NPAS3: variants seen among roughly 807,000 people sequenced by gnomAD.
NPAS3 encodes neuronal PAS domain-containing protein 3.
Under a neutral mutation model 73.1 loss-of-function variants are expected in NPAS3, and 14 were observed. That is an observed-to-expected ratio of 0.19 (90% CI 0.13 to 0.30). The LOEUF (loss-of-function observed/expected upper bound fraction) is 0.30. Ranked by LOEUF, NPAS3 falls within the 10% of genes least tolerant of loss-of-function variation. The pLI, the probability that NPAS3 is intolerant of heterozygous loss-of-function variation, is 1.00. For synonymous variants in NPAS3, 620 were observed against 541.5 expected, an observed-to-expected ratio of 1.14 and a Z score of -2.01; for missense variants, 1,096 against 1,250.0, an observed-to-expected ratio of 0.88 and a Z score of 1.86.
chr14:33,002,817 C>G (rs2038855891), intron 1 of NPAS3, among the ~76,000 whole-genome samples: 1 of 152,150 alleles, frequency 6.6e-6, no homozygotes, highest in Non-Finnish European at 1.5e-5. Context: ...AGATGTACTA[C>G]AGACATTGGG....
At chr14:33,016,600 G>C (rs2039402727) in intron 1 of NPAS3, among the ~76,000 whole-genome samples, 1 of 114,338 alleles carries the variant, frequency 8.7e-6, no homozygotes. Flanking sequence ...GTTGTGTATG[G>C]AAACAGAAAA....
At chr14:33,259,353 T>C (rs2048890887) in intron 3 of NPAS3, among the ~76,000 whole-genome samples, 1 of 152,202 alleles carries the variant, frequency 6.6e-6, no homozygotes, top group Admixed American at 6.5e-5. Flanking sequence ...TTTCTAATTT[T>C]CCAGCTTATT....
intron 5 of NPAS3, among the ~76,000 whole-genome samples, chr14:33,565,096 T>C (rs12100877): frequency 0.033 from 5,079 of 152,260 alleles, 271 homozygotes; most frequent in African/African-American, 0.11. Context: ...GGCAGCTTGC[T>C]GAAAAGGGCA....
At chr14:33,137,786 G>A (rs2043892209) in intron 2 of NPAS3, among the ~76,000 whole-genome samples, 1 of 152,114 alleles carries the variant, frequency 6.6e-6, no homozygotes, top group African/African-American at 2.4e-5. Context: ...AAATATATGT[G>A]TTTCTAGAGC....
chr14:33,615,913 G>A (rs556765719), intron 5 of NPAS3, among the ~76,000 whole-genome samples: 3 of 152,138 alleles, frequency 2.0e-5, no homozygotes, highest in Non-Finnish European at 4.4e-5. Context: ...ATGGCAGTAC[G>A]TTCTTTGGCT....
At chr14:33,090,544 TA>T (rs1342602224) in intron 2 of NPAS3, among the ~76,000 whole-genome samples, 1 of 152,072 alleles carries the variant, frequency 6.6e-6, no homozygotes, top group East Asian at 1.9e-4. Flanking sequence ...CACACAATAA[TA>T]ATGGGAGACT....
chr14:33,073,274 G>A (rs2041547140), intron 2 of NPAS3, among the ~76,000 whole-genome samples: 1 of 152,138 alleles, frequency 6.6e-6, no homozygotes, highest in South Asian at 2.1e-4. Flanking sequence ...GGGCAATGAG[G>A]CATATAATTT....
intron 3 of NPAS3, among the ~76,000 whole-genome samples, chr14:33,225,160 A>G (rs1005957241): frequency 6.6e-6 from 1 of 152,230 alleles, no homozygotes; most frequent in Non-Finnish European, 1.5e-5. Flanking sequence ...CAGTTACAAT[A>G]TCAATCAATG....
intron 5 of NPAS3, among the ~76,000 whole-genome samples, chr14:33,595,266 T>C (rs545242382): frequency 1.3e-5 from 2 of 152,302 alleles, no homozygotes; most frequent in Admixed American, 6.5e-5. Flanking sequence ...ATTGTGGTAC[T>C]TAATTAATGA....
At chr14:33,292,963 T>C (rs2042159765) in intron 3 of NPAS3, among the ~76,000 whole-genome samples, 2 of 152,196 alleles carry the variant, frequency 1.3e-5, no homozygotes, top group South Asian at 4.1e-4. Flanking sequence ...TGCACAGGTA[T>C]ATGAGGAAGA....
chr14:33,416,376 C>T (rs2048149019), intron 4 of NPAS3, among the ~76,000 whole-genome samples: 1 of 152,002 alleles, frequency 6.6e-6, no homozygotes, highest in Non-Finnish European at 1.5e-5. Context: ...CTGGCTCTAG[C>T]ATTTTATTAA....
At chr14:33,403,664 CTTTA>C (rs1387383647) in intron 4 of NPAS3, among the ~76,000 whole-genome samples, 1 of 151,948 alleles carries the variant, frequency 6.6e-6, no homozygotes, top group Admixed American at 6.6e-5. Flanking sequence ...TCATTTTAAT[CTTTA>C]TTCATTTTAT....
At chr14:33,618,220 G>A (rs2057977917) in intron 5 of NPAS3, among the ~76,000 whole-genome samples, 1 of 152,128 alleles carries the variant, frequency 6.6e-6, no homozygotes, top group South Asian at 2.1e-4. Context: ...TGGAGGGATG[G>A]TTTTGGGATG....
chr14:33,409,425 T>A (rs2047818404), intron 4 of NPAS3, among the ~76,000 whole-genome samples: 2 of 152,212 alleles, frequency 1.3e-5, no homozygotes, highest in Admixed American at 1.3e-4. Flanking sequence ...ATGAAGAGAT[T>A]ATAGGATTTG....
chr14:32,969,431 A>G (rs2037328765), intron 1 of NPAS3, among the ~76,000 whole-genome samples: 1 of 152,218 alleles, frequency 6.6e-6, no homozygotes, highest in South Asian at 2.1e-4. Context: ...GTATTTCATT[A>G]GGAAAAAATG....
chr14:33,384,395 G>C (rs886240225), intron 4 of NPAS3, among the ~76,000 whole-genome samples: 1 of 150,952 alleles, frequency 6.6e-6, no homozygotes, highest in Non-Finnish European at 1.5e-5. Flanking sequence ...GTGTGTGTGT[G>C]TGTTTTTAAT....
chr14:33,334,546 T>C (rs550831381), intron 3 of NPAS3, among the ~76,000 whole-genome samples: 1 of 152,310 alleles, frequency 6.6e-6, no homozygotes, highest in African/African-American at 2.4e-5. Flanking sequence ...CAAGTTATTT[T>C]ATATGTCTGC....
At chr14:33,383,073 C>CA (rs2046625799) in intron 4 of NPAS3, among the ~76,000 whole-genome samples, 1 of 112,644 alleles carries the variant, frequency 8.9e-6, no homozygotes, top group African/African-American at 3.7e-5. Flanking sequence ...TGTGACAGAG[C>CA]AAAAGACCCT....
At chr14:33,589,507 TAGTC>T (rs1401764104) in intron 5 of NPAS3, among the ~76,000 whole-genome samples, 2 of 152,198 alleles carry the variant, frequency 1.3e-5, no homozygotes, top group Admixed American at 1.3e-4. Context: ...TGCCTGAAAT[TAGTC>T]AGCGTTGGAT....
Sources: gnomAD v4.1 joint callset for allele counts (sites outside exome capture counted in the v4.1 genomes callset) on GRCh38, gnomAD v4.1.1 for gene constraint, MANE v1.5 for transcripts, NCBI Gene and HGNC (gene_info 2026-07-23, HGNC 2026-07-21) for gene names.